The following BOP1 variants were observed in gnomAD, a reference collection of about 807,000 sequenced individuals.
BOP1 encodes the protein BOP1 ribosomal biogenesis factor.
A neutral mutation model predicts 82.9 loss-of-function variants in BOP1; 54 were observed. That is an observed-to-expected ratio of 0.65 (90% CI 0.52 to 0.82). The LOEUF (loss-of-function observed/expected upper bound fraction) is 0.82. Among genes scored for constraint, BOP1 ranks in the 40% least tolerant of loss-of-function variants. The pLI, the probability that BOP1 is intolerant of heterozygous loss-of-function variation, is 0.00. For missense variants in BOP1, 1,170 were observed against 1,072.0 expected, an observed-to-expected ratio of 1.09 and a Z score of -1.28; for synonymous variants, 566 against 451.1, an observed-to-expected ratio of 1.25 and a Z score of -3.23.
chr8:144,264,382 CG>C lies in BOP1; in HGVS notation c.820del (p.Arg274GlufsTer67). On this transcript the variant is annotated frameshift_variant, in exon 7 of 16. Coordinates refer to ENST00000569669, the MANE Select transcript of BOP1 (RefSeq NM_015201.5). LOFTEE classifies it high-confidence loss of function. ...GTCATAGAAGCTGGGGGTGGGGTCT[CG>C]GGGCCGGCGAGGCTGGATCCAGCCC... ...KMGWIQPRRPRDPTPSFYDLW... is the reference protein window; with the variant it reads ...KMGWIQPRRPXDPTPSFYDLW... The C allele has an allele frequency of 6.2e-7, 1 of 1,603,036 alleles. No homozygotes were observed.
intron 3 of BOP1, among the ~76,000 whole-genome samples, chr8:144,273,094 C>T (rs1254492620): frequency 6.6e-6 from 1 of 152,134 alleles, no homozygotes; most frequent in Non-Finnish European, 1.5e-5. Context: ...GCCGTTCGCT[C>T]GCCGGGAAAC....
At chr8:144,271,175 G>A (rs1402190674) in intron 3 of BOP1, among the ~76,000 whole-genome samples, 19 of 151,944 alleles carry the variant, frequency 1.3e-4, no homozygotes, top group Admixed American at 8.5e-4. Flanking sequence ...AGACTGCACC[G>A]GACACAGGCC....
Position 144,276,245 on chromosome 8 carries a change from C to T in BOP1, c.369G>A (p.Ala123=), listed in dbSNP as rs1008442841. 6.2e-5 allele frequency: 100 copies of T among 1,613,600 alleles called. No individual in the cohort carries two copies. Among genetic ancestry groups the T allele is most frequent in the South Asian group, 1.4e-4 (13 of 91,062 alleles). ...MASARIGDEY[A]EDSSDEEDIR... is the part of the protein sequence containing the mutation. ...CTACCTCCTCATCAGAGCTGTCCTC[C>T]GCATACTCATCCCCAATCCGGGCGC... The change falls in exon 3 of 16, where the codon GCG becomes GCA. Residue 123 remains alanine, a synonymous_variant. Transcript: ENST00000569669.
Position 144,276,227 on chromosome 8 carries a change from C to T in BOP1, c.387G>A (p.Glu129=). 6.2e-7 allele frequency: 1 copy of T among 1,613,352 alleles called. No homozygotes were observed. The highest frequency in any genetic ancestry group is 8.5e-7 in the Non-Finnish European group (1 of 1,179,818). The change falls in exon 3 of 16, where the codon GAG becomes GAA. Residue 129 remains glutamate (E), a synonymous_variant. Coordinates refer to ENST00000569669, the MANE Select transcript of BOP1 (RefSeq NM_015201.5). The part of the protein sequence containing the change: ...GDEYAEDSSD[E]EDIRNTVGNV... ...TGGGAAGCAGCCCCAGTCCTACCTC[C>T]TCATCAGAGCTGTCCTCCGCATACT... is the stretch of plus-strand genomic sequence containing the variant.
rs549647653 is a variant in BOP1 at position 144,271,747 on chromosome 8, C to A, written c.390+4477G>T. 4.3e-4 allele frequency among the ~76,000 whole-genome samples: 65 copies of A among 152,222 alleles called. 3 individuals are homozygous for A. In the South Asian group the frequency reaches 0.013, roughly 31 times the overall value. ...CTCCTCAAAGTCCAAACCAGCTGAG[C>A]GAACCCCCAGCCCAAGGTGGGGCCC... On this transcript the variant is annotated intron_variant, in intron 3 of 15. Coordinates refer to ENST00000569669, the MANE Select transcript of BOP1 (RefSeq NM_015201.5).
rs1415068217 is a variant in BOP1 at position 144,263,896 on chromosome 8, C to T, written c.1156G>A (p.Glu386Lys). Residue 386 changes from glutamate (E) to lysine (K), a missense_variant, in exon 9 of 16, where the codon GAG becomes AAG. Transcript: ENST00000569669. ...QRKMRVNVDP[E>K]DLIPKLPRPR... is the part of the protein sequence containing the mutation. ...CGAGGCAGCTTGGGGATGAGGTCCT[C>T]AGGGTCTACATTCACCTGGGGCAGG... The T allele has an allele frequency of 6.2e-7, 1 of 1,611,566 alleles. No individual in the cohort carries two copies. Among genetic ancestry groups the T allele is most frequent in the African/African-American group, 1.3e-5 (1 of 74,856 alleles).
chr8:144,271,186 G>A (rs1445169519), intron 3 of BOP1, among the ~76,000 whole-genome samples: 1 of 152,098 alleles, frequency 6.6e-6, no homozygotes, highest in Admixed American at 6.5e-5. Context: ...GACACAGGCC[G>A]CAACCGGCTG....
intron 2 of BOP1, among the ~76,000 whole-genome samples, chr8:144,286,837 G>A (rs73374024): frequency 0.81 from 123,036 of 152,076 alleles, 50,580 homozygotes; most frequent in East Asian, 1. Flanking sequence ...CCAGTTACGC[G>A]GTCACAGAAA....
At chr8:144,281,599 C>T (rs781846049) in intron 2 of BOP1, 1 of 146,856 alleles carries the variant, frequency 6.8e-6, no homozygotes, top group Non-Finnish European at 1.5e-5. Flanking sequence ...CCTTCTCTCA[C>T]TTTAATACCA....
In BOP1 at chr8:144,264,977, G is replaced by A. The variant is rs1000321051; in HGVS notation, c.485C>T (p.Pro162Leu). 7.1e-5 allele frequency: 114 copies of A among 1,612,406 alleles called. 1 individual carries two copies. The South Asian group carries it at 1.2e-3, about 17-fold the overall frequency. ...GTCCAGCTCATCCCGGGTCCGCAGG[G>A]GCTTGTAGATGCGCCTGCCATCCAG... ...YDLDGRRIYKPLRTRDELDQF... is the reference protein window; with the variant it reads ...YDLDGRRIYKLLRTRDELDQF... Residue 162 changes from proline to leucine, a missense_variant, in exon 4 of 16, where the codon CCC becomes CTC. Coordinates refer to ENST00000569669, the MANE Select transcript of BOP1 (RefSeq NM_015201.5).
chr8:144,263,608 A>G lies in BOP1; in HGVS notation c.1294T>C (p.Ser432Pro). Reference sequence around the variant, plus strand: ...CAGAGCCGCAGGGAGCCGTCGTCAGAGCCTGGATGCGGCAGAGACAGCTCT... The same window carrying G: ...CAGAGCCGCAGGGAGCCGTCGTCAGGGCCTGGATGCGGCAGAGACAGCTCT... ...SPGGQWLVSG[S>P]DDGSLRLWEV... Residue 432 changes from serine to proline, a missense_variant and splice_region_variant, in exon 11 of 16, where the codon TCT becomes CCT. Coordinates refer to ENST00000569669, the MANE Select transcript of BOP1 (RefSeq NM_015201.5). The G allele has an allele frequency of 6.2e-7, 1 of 1,608,502 alleles. No individual in the cohort carries two copies.
In BOP1 at chr8:144,263,513, G is replaced by A; in HGVS notation, c.1389C>T (p.Asn463=). Residue 463 remains asparagine (N), a synonymous_variant, in exon 11 of 16, where the codon AAC becomes AAT. Transcript: ENST00000569669. ...VGGVVKSVAW[N]PSPAVCLVAA... is the part of the protein sequence containing the mutation. Reference sequence around the variant, plus strand: ...CCACCAGGCAGACAGCGGGGCTGGGGTTCCAGGCCACACTCTTCACCACGC... The same window carrying A: ...CCACCAGGCAGACAGCGGGGCTGGGATTCCAGGCCACACTCTTCACCACGC... 2 of 1,599,204 alleles carry A rather than the reference G, an allele frequency of 1.3e-6. No individual in the cohort carries two copies. The highest frequency in any genetic ancestry group is 1.3e-5 in the African/African-American group (1 of 75,006).
chr8:144,271,244 C>T (rs1188444188), intron 3 of BOP1, among the ~76,000 whole-genome samples: 2 of 152,150 alleles, frequency 1.3e-5, no homozygotes, highest in African/African-American at 2.4e-5. Flanking sequence ...CCTTCCCTCC[C>T]CCTCCCCAAA....
chr8:144,268,301 G>T (rs1039959260), intron 3 of BOP1: 764 of 1,067,642 alleles, frequency 7.2e-4, no homozygotes, highest in Non-Finnish European at 9.8e-4. Context: ...GGGACAGACG[G>T]ACGTACAGAC....
chr8:144,268,204 T>A, intron 3 of BOP1: 4 of 1,546,708 alleles, frequency 2.6e-6, no homozygotes, highest in Non-Finnish European at 3.5e-6. Flanking sequence ...CCGGGGTGAC[T>A]GCAGACAGCC....
Position 144,291,318 on chromosome 8 carries a change from T to C in BOP1, c.53A>G (p.Glu18Gly). Reference sequence around the variant, plus strand: ...CAGTTCGGGCTCAGACCGCCGCTTCTCCGGCCGCACGCTCGGCGCCGCCGT... The same window carrying C: ...CAGTTCGGGCTCAGACCGCCGCTTCCCCGGCCGCACGCTCGGCGCCGCCGT... ...GRTAAPSVRP[E>G]KRRSEPELEP... Residue 18 changes from glutamate (E) to glycine (G), a missense_variant, in exon 1 of 16, where the codon GAG becomes GGG. Physicochemically the swap from Glu to Gly is moderately conservative, Grantham distance 98. Coordinates refer to ENST00000569669, the MANE Select transcript of BOP1 (RefSeq NM_015201.5). The surrounding 1 kb of genome is among the most constrained non-coding windows in gnomAD (Gnocchi z 4.1). The C allele has an allele frequency of 7.0e-7, 1 of 1,437,386 alleles. No homozygotes were observed. Among genetic ancestry groups the C allele is most frequent in the Non-Finnish European group, 9.1e-7 (1 of 1,094,426 alleles). The allele number at this position is 1,437,386 out of a possible 1,614,324, so 89.0% of individuals were successfully genotyped here.
intron 3 of BOP1, 173 bp from the exon 4 acceptor site, chr8:144,265,244 G>A (rs1040401644): frequency 5.3e-6 from 4 of 755,568 alleles, no homozygotes; most frequent in African/African-American, 1.8e-5. Flanking sequence ...GTCTGACGTG[G>A]CATGGCGGCC....
chr8:144,286,721 G>A (rs1243768597), intron 2 of BOP1, among the ~76,000 whole-genome samples: 2 of 152,252 alleles, frequency 1.3e-5, no homozygotes, highest in Non-Finnish European at 2.9e-5. Flanking sequence ...GAACTCTGAG[G>A]ACCGCCCCAC....
intron 2 of BOP1, among the ~76,000 whole-genome samples, chr8:144,282,606 C>G (rs1022017468): frequency 6.6e-6 from 1 of 152,102 alleles, no homozygotes; most frequent in African/African-American, 2.4e-5. Context: ...AAGGAGGCTA[C>G]TAGCAACAGC....
Sources: gnomAD v4.1 joint callset for allele counts (sites outside exome capture counted in the v4.1 genomes callset) on GRCh38, gnomAD v4.1.1 for gene constraint, Gnocchi (gnomAD v3.1) non-coding constraint, MANE v1.5 for transcripts, NCBI Gene and HGNC (gene_info 2026-07-23, HGNC 2026-07-21) for gene names.